NCAPG2: variants seen among roughly 807,000 people sequenced by gnomAD.
NCAPG2 encodes the protein condensin-2 complex subunit G2.
NCAPG2 carries 53 observed loss-of-function variants against 141.1 expected under a neutral mutation model. The observed-to-expected ratio is 0.38, with a 90% confidence interval of 0.30 to 0.47. NCAPG2 has a LOEUF of 0.47. Among genes scored for constraint, NCAPG2 ranks in the 20% least tolerant of loss-of-function variants. The pLI, the probability that NCAPG2 is intolerant of heterozygous loss-of-function variation, is 0.99. For synonymous variants in NCAPG2, 499 were observed against 490.7 expected, an observed-to-expected ratio of 1.02 and a Z score of -0.22; for missense variants, 1,087 against 1,389.0, an observed-to-expected ratio of 0.78 and a Z score of 3.46.
At chr7:158,657,639 C>T (rs1832094738) in intron 17 of NCAPG2, among the ~76,000 whole-genome samples, 1 of 152,226 alleles carries the variant, frequency 6.6e-6, no homozygotes, top group Non-Finnish European at 1.5e-5. Flanking sequence ...GCCACCACCC[C>T]GTCTGGGAGG....
At chr7:158,669,810 T>G (rs1225409113) in intron 13 of NCAPG2, among the ~76,000 whole-genome samples, 1 of 139,966 alleles carries the variant, frequency 7.1e-6, no homozygotes, top group Non-Finnish European at 1.5e-5. Flanking sequence ...ACATGCTTAC[T>G]CTACATTTTT....
intron 24 of NCAPG2, among the ~76,000 whole-genome samples, chr7:158,647,697 CT>C (rs200623735): frequency 2.2e-3 from 313 of 144,650 alleles, no homozygotes; most frequent in African/African-American, 3.4e-3. Context: ...AACAACACTG[CT>C]TTTTTTTTTT....
At chr7:158,643,136 T>A (rs1830759082) in intron 27 of NCAPG2, among the ~76,000 whole-genome samples, 1 of 152,138 alleles carries the variant, frequency 6.6e-6, no homozygotes, top group South Asian at 2.1e-4. Context: ...CTAATTTTTG[T>A]AATTTTTAAT....
chr7:158,677,533 A>AAAAAAAAAAAAAAAAC (rs1834160041), intron 11 of NCAPG2, among the ~76,000 whole-genome samples: 1 of 50,572 alleles, frequency 2.0e-5, no homozygotes, highest in African/African-American at 5.8e-5. Flanking sequence ...AGCAAAAAAA[A>AAAAAAAAAAAAAAAAC]AAAAAAAAAA....
chr7:158,690,547 A>C, intron 5 of NCAPG2, 21 bp downstream of exon 5: 2 of 1,609,426 alleles, frequency 1.2e-6, no homozygotes, highest in Non-Finnish European at 1.7e-6. Flanking sequence ...CTGTCTTTAA[A>C]AAAATAAAAA....
chr7:158,680,730 T>C lies in NCAPG2; in HGVS notation c.1011A>G (p.Arg337=), dbSNP rs1834398604. ...LYRLYKPILW[R]GLKARNSEVR... ...TATTTGAAATGTATACCTTTAATCC[T>C]CTCCAAAGGATGGGCTTATATAATC... The change falls in exon 10 of 28, where the codon AGA becomes AGG. Residue 337 remains arginine, a synonymous_variant. Transcript: ENST00000356309. 6.4e-7 allele frequency: 1 copy of C among 1,572,804 alleles called. No individual in the cohort carries two copies. Among genetic ancestry groups the C allele is most frequent in the Non-Finnish European group, 8.6e-7 (1 of 1,157,268 alleles).
chr7:158,641,291 A>G (rs1830627596), intron 27 of NCAPG2: 2 of 390,638 alleles, frequency 5.1e-6, no homozygotes, highest in Non-Finnish European at 9.0e-6. Context: ...ATCCAACTAT[A>G]TCAATAATCA....
chr7:158,656,171 T>A, intron 19 of NCAPG2, 89 bp downstream of exon 19: 2 of 1,455,440 alleles, frequency 1.4e-6, no homozygotes, highest in Non-Finnish European at 1.9e-6. Context: ...AGAACACTTG[T>A]ATAGCACTGT....
intron 6 of NCAPG2, among the ~76,000 whole-genome samples, chr7:158,688,716 A>AG (rs1231302234): frequency 6.6e-6 from 1 of 152,244 alleles, no homozygotes; most frequent in Non-Finnish European, 1.5e-5. Flanking sequence ...CAAAACTCTG[A>AG]GGCTGAAAGG....
Position 158,672,300 on chromosome 7 carries a change from A to G in NCAPG2, c.1327-634T>C, listed in dbSNP as rs1225189161. Among the ~76,000 whole-genome samples the G allele has an allele frequency of 6.3e-4, 13 of 20,516 alleles. No individual in the cohort carries two copies. In the East Asian group the frequency reaches 9.1e-3, roughly 14 times the overall value. 13.5% of individuals were successfully genotyped at this position (20,516 alleles called of 152,430 possible). ...CACATGTGTGTGTGTGTGTATATATATATATATATATATATATATATATAT... is the reference window on the plus strand; with the variant it reads ...CACATGTGTGTGTGTGTGTATATATGTATATATATATATATATATATATAT... On this transcript the variant is annotated intron_variant, in intron 12 of 27. Transcript: ENST00000356309.
chr7:158,631,473 C>T lies in NCAPG2; in HGVS notation c.*193G>A. ...CTTTATATTAAATATATTATTTACGCAGGCACTAGGCAAAATTGAAGAAGT... is the reference window on the plus strand; with the variant it reads ...CTTTATATTAAATATATTATTTACGTAGGCACTAGGCAAAATTGAAGAAGT... On this transcript the variant is annotated 3_prime_UTR_variant, in exon 28 of 28. Transcript: ENST00000356309. The T allele has an allele frequency of 1.6e-6, 1 of 621,014 alleles. No homozygotes were observed. Among genetic ancestry groups the T allele is most frequent in the Non-Finnish European group, 2.8e-6 (1 of 351,690 alleles). 38.5% of individuals were successfully genotyped at this position (621,014 alleles called of 1,614,324 possible).
intron 6 of NCAPG2, among the ~76,000 whole-genome samples, chr7:158,688,492 C>T (rs968901356): frequency 6.6e-6 from 1 of 152,318 alleles, no homozygotes; most frequent in South Asian, 2.1e-4. Flanking sequence ...TTCACTCTCC[C>T]ATTTCAGAAC....
At chr7:158,639,004 G>A (rs575323094) in intron 27 of NCAPG2, among the ~76,000 whole-genome samples, 23 of 152,276 alleles carry the variant, frequency 1.5e-4, no homozygotes, top group South Asian at 6.2e-4. Flanking sequence ...CTCTTCATCC[G>A]GACAATGCCC....
intron 2 of NCAPG2, among the ~76,000 whole-genome samples, chr7:158,697,146 T>C (rs1312469688): frequency 4.6e-5 from 7 of 152,198 alleles, no homozygotes; most frequent in Non-Finnish European, 1.0e-4. Flanking sequence ...AATGTTATCA[T>C]AGGAGATGAG....
chr7:158,681,241 C>T (rs978396596), intron 9 of NCAPG2, among the ~76,000 whole-genome samples: 2 of 152,222 alleles, frequency 1.3e-5, no homozygotes, highest in African/African-American at 2.4e-5. Context: ...CATGTGGTAA[C>T]TGTTTCATAA....
chr7:158,667,251 CCAGAGACCCTGTGTCCCTCCGCCTCCCT>C (rs1182261706), intron 13 of NCAPG2: 8 of 983,916 alleles, frequency 8.1e-6, no homozygotes, highest in Non-Finnish European at 8.4e-6. Context: ...TCCTGGTGGG[CCAGAGACCCTGTGTCCCTCCGCCTCCCT>C]CAGAGACCCT....
chr7:158,656,772 T>G (rs775549583), intron 17 of NCAPG2, 67 bp from the exon 18 acceptor site: 3 of 1,548,604 alleles, frequency 1.9e-6, no homozygotes, highest in Non-Finnish European at 2.6e-6. Flanking sequence ...TGTCAAAAGG[T>G]GAGGAAAACC....
At chr7:158,636,478 C>T (rs372467309) in intron 27 of NCAPG2, among the ~76,000 whole-genome samples, 13 of 151,092 alleles carry the variant, frequency 8.6e-5, no homozygotes, top group East Asian at 1.9e-4. Flanking sequence ...CTGGGCTCAC[C>T]GCAACCTCTG....
At chr7:158,693,580 A>C in intron 2 of NCAPG2, 83 bp from the exon 3 acceptor site, 1 of 1,218,734 alleles carries the variant, frequency 8.2e-7, no homozygotes, top group South Asian at 1.5e-5. Flanking sequence ...AAGAAAAGTT[A>C]AGTGTTAACT....
Sources: allele counts gnomAD v4.1 joint callset (sites outside exome capture counted in the v4.1 genomes callset), GRCh38; gene constraint gnomAD v4.1.1; transcripts MANE v1.5; gene names NCBI Gene and HGNC (gene_info 2026-07-23, HGNC 2026-07-21).